Variants in SLC6A3 observed in about 807,000 individuals in gnomAD.
The protein encoded by SLC6A3 is solute carrier family 6 member 3.
SLC6A3 carries 19 observed loss-of-function variants against 70.4 expected under a neutral mutation model. The observed-to-expected ratio is 0.27, with a 90% CI of 0.19 to 0.40. The LOEUF (loss-of-function observed/expected upper bound fraction) is 0.40. Among genes scored for constraint, SLC6A3 ranks in the 10% least tolerant of loss-of-function variants. The probability of loss-of-function intolerance (pLI) is 1.00; values close to 1 mark genes in which losing one functional copy is unlikely to be tolerated. For synonymous variants in SLC6A3, 368 were observed against 356.6 expected (o/e 1.03, Z -0.36); for missense variants, 613 against 838.5 (o/e 0.73, Z 3.32).
intron 4 of SLC6A3, among the ~76,000 whole-genome samples, chr5:1,423,743 C>T (rs1465029644): frequency 6.6e-6 from 1 of 152,232 alleles, no homozygotes; most frequent in Non-Finnish European, 1.5e-5. Context: ...CACCAGGCTA[C>T]ATGCAGTCAG....
intron 3 of SLC6A3, among the ~76,000 whole-genome samples, chr5:1,435,380 C>A (rs1220744872): frequency 6.6e-6 from 1 of 152,252 alleles, no homozygotes; most frequent in African/African-American, 2.4e-5. Flanking sequence ...AAGTCCTTAG[C>A]TTGAAACCCT....
intron 4 of SLC6A3, among the ~76,000 whole-genome samples, chr5:1,422,840 G>A (rs1756481262): frequency 1.3e-5 from 1 of 76,998 alleles, no homozygotes; most frequent in Non-Finnish European, 2.4e-5. Context: ...CCACGCTGCT[G>A]GGTGCCCACT....
intron 3 of SLC6A3, among the ~76,000 whole-genome samples, chr5:1,434,941 C>T (rs11951672): frequency 0.02 from 3,026 of 152,298 alleles, 90 homozygotes; most frequent in African/African-American, 0.068. Context: ...GGAAAGCATG[C>T]TCAGTAGTGG....
rs113002767 is a variant in SLC6A3, at chr5:1,421,082, G to A, written c.793-379C>T. On this transcript the variant is annotated intron_variant, in intron 5 of 14. Coordinates refer to ENST00000270349, the MANE Select transcript of SLC6A3 (RefSeq NM_001044.5). This position sits in a 1 kb window ranked among gnomAD's most constrained non-coding sequence, Gnocchi z 7.2. Reference sequence around the variant, plus strand: ...GGGCTGCTCTGGGCTGTGTCCCTGCGGGAGGCTCCCGTGGCTGGTGCCATA... The same window carrying A: ...GGGCTGCTCTGGGCTGTGTCCCTGCAGGAGGCTCCCGTGGCTGGTGCCATA... Among the ~76,000 whole-genome samples the A allele has an allele frequency of 1.4e-5, 2 of 145,496 alleles. No individual in the cohort carries two copies. Among genetic ancestry groups the A allele is most frequent in the Non-Finnish European group, 2.9e-5 (2 of 67,946 alleles).
chr5:1,393,909 G>A lies in SLC6A3; in HGVS notation c.*826C>T, dbSNP rs1250555426. On this transcript the variant is annotated 3_prime_UTR_variant, in exon 15 of 15. Transcript: ENST00000270349. Reference sequence around the variant, plus strand: ...TCCAGGGATAGGACATGCTCCTGTGGGGGCCCTGCATGCGTCCGGGGATAG... The same window carrying A: ...TCCAGGGATAGGACATGCTCCTGTGAGGGCCCTGCATGCGTCCGGGGATAG... The A allele has an allele frequency of 6.5e-6, 1 of 153,052 alleles. No homozygotes were observed. Among genetic ancestry groups the A allele is most frequent in the East Asian group, 2.0e-4 (1 of 5,058 alleles). 9.5% of individuals were successfully genotyped at this position (153,052 alleles called of 1,614,324 possible). A position where few individuals can be genotyped will look rare whatever the true frequency, so the allele number is the denominator to read the frequency against.
intron 1 of SLC6A3, among the ~76,000 whole-genome samples, chr5:1,445,128 C>T (rs1733770387): frequency 6.6e-6 from 1 of 152,210 alleles, no homozygotes; most frequent in Non-Finnish European, 1.5e-5. Context: ...CCAGGGGCAG[C>T]CCTGCACCCT....
chr5:1,410,201 G>T (rs1756083229), intron 9 of SLC6A3, among the ~76,000 whole-genome samples: 1 of 152,216 alleles, frequency 6.6e-6, no homozygotes, highest in Non-Finnish European at 1.5e-5. Flanking sequence ...TGAGCAAGAT[G>T]CGTCCCCCAC....
Position 1,419,514 on chromosome 5 carries a change from T to C in SLC6A3, c.927+1055A>G, listed in dbSNP as rs1019472563. On this transcript the variant is annotated intron_variant, in intron 6 of 14. Coordinates refer to ENST00000270349, the MANE Select transcript of SLC6A3 (RefSeq NM_001044.5). ...CTAGCTGGAGCACTAGGCTCTACGT[T>C]GTCCTTGTGGTATTTTTCTTTGATT... Among the ~76,000 whole-genome samples the C allele has an allele frequency of 1.2e-4, 19 of 152,218 alleles. 1 individual carries two copies. The highest frequency in any genetic ancestry group is 5.9e-5 in the Non-Finnish European group (4 of 68,032).
chr5:1,399,344 C>G (rs1396172751), intron 14 of SLC6A3, among the ~76,000 whole-genome samples: 1 of 152,142 alleles, frequency 6.6e-6, no homozygotes, highest in Non-Finnish European at 1.5e-5. Flanking sequence ...GAGGGAAATT[C>G]ATAGCCTTGA....
In SLC6A3 at chr5:1,401,379, C is replaced by A; in HGVS notation, c.1768-393G>T. 4.5e-6 allele frequency: 2 copies of A among 444,986 alleles called. No individual in the cohort carries two copies. Among genetic ancestry groups the A allele is most frequent in the South Asian group, 3.5e-5 (2 of 57,926 alleles). 27.6% of individuals were successfully genotyped at this position (444,986 alleles called of 1,614,324 possible). A position where few individuals can be genotyped will look rare whatever the true frequency, so the allele number is the denominator to read the frequency against. On this transcript the variant is annotated intron_variant, in intron 13 of 14. Transcript: ENST00000270349. The surrounding 1 kb of genome is among the most constrained non-coding windows in gnomAD (Gnocchi z 6.1). ...AGGTGGGCTGCCTCGGGGCCACCTGCAGCTGACATATTCCGGGAGCACTTG... is the reference window on the plus strand; with the variant it reads ...AGGTGGGCTGCCTCGGGGCCACCTGAAGCTGACATATTCCGGGAGCACTTG...
At chr5:1,409,154 C>A in intron 10 of SLC6A3, 29 bp from the exon 11 acceptor site, 1 of 1,516,422 alleles carries the variant, frequency 6.6e-7, no homozygotes, top group Non-Finnish European at 9.1e-7. Context: ...TGTGGACCTA[C>A]AGAAGGGCTT....
intron 9 of SLC6A3, among the ~76,000 whole-genome samples, chr5:1,410,949 T>TATGTGTGTGTGTGC (rs1181664880): frequency 6.8e-6 from 1 of 147,728 alleles, no homozygotes; most frequent in Non-Finnish European, 1.5e-5. Flanking sequence ...TGTGTGCGTG[T>TATGTGTGTGTGTGC]ATGTGTGTGT....
intron 3 of SLC6A3, among the ~76,000 whole-genome samples, chr5:1,435,453 A>C (rs1005566116): frequency 6.6e-6 from 1 of 152,258 alleles, no homozygotes; most frequent in African/African-American, 2.4e-5. Flanking sequence ...GGAAGGGCTG[A>C]GTGTACCCTG....
intron 4 of SLC6A3, among the ~76,000 whole-genome samples, chr5:1,426,652 A>G (rs769602169): frequency 1.8e-4 from 28 of 152,250 alleles, no homozygotes; most frequent in Non-Finnish European, 3.2e-4. Flanking sequence ...AAATTCTTCA[A>G]TAAACCTTGA....
rs926193031 is a variant in SLC6A3 at position 1,394,298 on chromosome 5, A to T, written c.*437T>A. 2.9e-4 allele frequency: 71 copies of T among 244,078 alleles called. No homozygotes were observed. The highest frequency in any genetic ancestry group is 5.0e-4 in the Non-Finnish European group (62 of 124,720). 15.1% of individuals were successfully genotyped at this position (244,078 alleles called of 1,614,324 possible). A position where few individuals can be genotyped will look rare whatever the true frequency, so the allele number is the denominator to read the frequency against. On this transcript the variant is annotated 3_prime_UTR_variant, in exon 15 of 15. Coordinates refer to ENST00000270349, the MANE Select transcript of SLC6A3 (RefSeq NM_001044.5). The surrounding 1 kb of genome is among the most constrained non-coding windows in gnomAD (Gnocchi z 4.7). ...ACACTTGGCTTTTTAATATGGGCAA[A>T]GTAAATGGTCTAGGAAGCTACTGTG...
chr5:1,401,572 G>A lies in SLC6A3; in HGVS notation c.1768-586C>T, dbSNP rs1755852068. ...TGGATGCCTGTATCTGGATCTCTGA[G>A]GCCAGGTGACCTCTCACAGGGACCC... On this transcript the variant is annotated intron_variant, in intron 13 of 14. Coordinates refer to ENST00000270349, the MANE Select transcript of SLC6A3 (RefSeq NM_001044.5). The surrounding 1 kb of genome is among the most constrained non-coding windows in gnomAD (Gnocchi z 6.1). 6.6e-6 allele frequency among the ~76,000 whole-genome samples: 1 copy of A among 152,158 alleles called. No individual in the cohort carries two copies. Among genetic ancestry groups the A allele is most frequent in the Non-Finnish European group, 1.5e-5 (1 of 68,028 alleles).
Position 1,402,340 on chromosome 5 carries a change from C to A in SLC6A3, c.1767+582G>T, listed in dbSNP as rs931767475. On this transcript the variant is annotated intron_variant, in intron 13 of 14. Coordinates refer to ENST00000270349, the MANE Select transcript of SLC6A3 (RefSeq NM_001044.5). The surrounding 1 kb of genome is among the most constrained non-coding windows in gnomAD (Gnocchi z 8.5). ...TTCTTCTACACAAAGGCGGCAAAACCAAGCAGAAGAAAGGAGATGCATATC... is the reference window on the plus strand; with the variant it reads ...TTCTTCTACACAAAGGCGGCAAAACAAAGCAGAAGAAAGGAGATGCATATC... 1.3e-5 allele frequency among the ~76,000 whole-genome samples: 2 copies of A among 151,378 alleles called. No individual in the cohort carries two copies. Among genetic ancestry groups the A allele is most frequent in the Admixed American group, 6.6e-5 (1 of 15,196 alleles).
At chr5:1,444,863 G>A (rs992249639) in intron 1 of SLC6A3, among the ~76,000 whole-genome samples, 4 of 152,230 alleles carry the variant, frequency 2.6e-5, no homozygotes, top group Non-Finnish European at 5.9e-5. Context: ...TCCTCGCCCG[G>A]CCTCCCCGCC....
chr5:1,444,606 C>T (rs753206810), intron 1 of SLC6A3, among the ~76,000 whole-genome samples: 5 of 152,236 alleles, frequency 3.3e-5, no homozygotes, highest in South Asian at 4.1e-4. Flanking sequence ...ACCGGCACGA[C>T]CCCTCCGGTG....
Sources: gnomAD v4.1 joint callset for allele counts (sites outside exome capture counted in the v4.1 genomes callset) on GRCh38, gnomAD v4.1.1 for gene constraint, Gnocchi (gnomAD v3.1) non-coding constraint, MANE v1.5 for transcripts, NCBI Gene and HGNC (gene_info 2026-07-23, HGNC 2026-07-21) for gene names.